The following KLF17 variants were observed in gnomAD, a reference collection of about 807,000 sequenced individuals.
KLF17 encodes KLF transcription factor 17.
KLF17 carries 31 observed loss-of-function variants against 34.2 expected under a neutral mutation model. That is an observed-to-expected ratio of 0.91 (90% CI 0.68 to 1.22). KLF17 has a LOEUF of 1.22. KLF17 is among the 50% of genes most tolerant of loss of function. KLF17 has a pLI of 0.00. For missense variants in KLF17, 478 were observed against 505.2 expected (o/e 0.95, Z 0.52); for synonymous variants, 179 against 186.7 (o/e 0.96, Z 0.34).
In KLF17 at chr1:44,118,898, C is replaced by A; in HGVS notation, c.-10C>A. Reference sequence around the variant, plus strand: ...TCTTCAGTAGAGAGTCTAGACCCCACCCAGTCTTCATGTACGGCCGACCGC... The same window carrying A: ...TCTTCAGTAGAGAGTCTAGACCCCAACCAGTCTTCATGTACGGCCGACCGC... On this transcript the variant is annotated 5_prime_UTR_variant, in exon 1 of 4. Coordinates refer to ENST00000372299, the MANE Select transcript of KLF17 (RefSeq NM_173484.4). 2.5e-6 allele frequency: 4 copies of A among 1,608,982 alleles called. No homozygotes were observed. The highest frequency in any genetic ancestry group is 3.4e-6 in the Non-Finnish European group (4 of 1,177,882).
chr1:44,050,514 A>G, the KLF17 span, among the ~76,000 whole-genome samples: 2 of 152,216 alleles, frequency 1.3e-5, 1 homozygote. Flanking sequence ...GGGCATAAAC[A>G]TGACTGCCGA....
At chr1:44,082,098 G>A in the KLF17 span, among the ~76,000 whole-genome samples, 1 of 152,140 alleles carries the variant, frequency 6.6e-6, no homozygotes, top group East Asian at 1.9e-4. Context: ...GCTTAGGGGA[G>A]AGACTAGAAG....
At chr1:44,094,384 T>C in the KLF17 span, among the ~76,000 whole-genome samples, 1 of 152,180 alleles carries the variant, frequency 6.6e-6, no homozygotes, top group African/African-American at 2.4e-5. Flanking sequence ...TTGGTTGCCT[T>C]GTGCTTTTGT....
upstream of KLF17, chr1:44,117,477 TTATTTTATTTTA>T (rs2087892671): frequency 1.3e-5 from 2 of 149,974 alleles, no homozygotes; most frequent in African/African-American, 4.9e-5. Context: ...TTATTTTATT[TTATTTTATTTTA>T]TATTTTATTT....
chr1:44,118,951 A>C lies in KLF17; in HGVS notation c.44A>C (p.Glu15Ala). The change falls in exon 1 of 4, where the codon GAG (glutamate) becomes GCG (alanine). Residue 15 changes from glutamate (E) to alanine (A), a missense_variant. By Grantham distance (107) the Glu-to-Ala change is moderately radical. Transcript: ENST00000372299. Reference sequence around the variant, plus strand: ...GCTGAGATGGAACAGGAGGCTGGGGAGCTGAGCCGGTGGCAGGCGGCGCAC... The same window carrying C: ...GCTGAGATGGAACAGGAGGCTGGGGCGCTGAGCCGGTGGCAGGCGGCGCAC... ...PQAEMEQEAG[E>A]LSRWQAAHQA... 6.2e-7 allele frequency: 1 copy of C among 1,611,780 alleles called. No homozygotes were observed. Among genetic ancestry groups the C allele is most frequent in the Non-Finnish European group, 8.5e-7 (1 of 1,179,174 alleles).
chr1:44,100,215 G>T, the KLF17 span, among the ~76,000 whole-genome samples: 1 of 148,370 alleles, frequency 6.7e-6, no homozygotes, highest in Non-Finnish European at 1.5e-5. Flanking sequence ...CCGAGATCAC[G>T]CCACTGAACT....
chr1:44,111,947 G>A, the KLF17 span, among the ~76,000 whole-genome samples: 1 of 152,072 alleles, frequency 6.6e-6, no homozygotes, highest in Non-Finnish European at 1.5e-5. Context: ...TATTAACTAA[G>A]CTATAGACTT....
At chr1:44,092,083 C>T in the KLF17 span, among the ~76,000 whole-genome samples, 4 of 150,658 alleles carry the variant, frequency 2.7e-5, no homozygotes, top group Non-Finnish European at 5.9e-5. Flanking sequence ...TGGCTCACAC[C>T]TATAATCCCA....
chr1:44,107,979 T>C, the KLF17 span, among the ~76,000 whole-genome samples: 11 of 152,182 alleles, frequency 7.2e-5, no homozygotes, highest in African/African-American at 2.7e-4. Context: ...GTATATTGAA[T>C]GACTAGAAGA....
the KLF17 span, among the ~76,000 whole-genome samples, chr1:44,050,368 A>G: frequency 6.6e-6 from 1 of 152,234 alleles, no homozygotes. Context: ...GACCAGTGCC[A>G]TGTCAGTTTA....
At chr1:44,049,848 T>C in the KLF17 span, among the ~76,000 whole-genome samples, 1 of 152,250 alleles carries the variant, frequency 6.6e-6, no homozygotes, top group Admixed American at 6.5e-5. Flanking sequence ...TTCATTTCCA[T>C]TGTGGTATAC....
chr1:44,133,076 C>T (rs746640053), intron 3 of KLF17, among the ~76,000 whole-genome samples, 162 bp from the exon 4 acceptor site: 2 of 152,106 alleles, frequency 1.3e-5, no homozygotes, highest in Non-Finnish European at 2.9e-5. Context: ...CTCAAGGGAC[C>T]GTCTTGATCT....
rs989892026 is a variant in KLF17, at chr1:44,133,393, G to A, written c.*156G>A. ...AGGCTGTGGAGACCCATGGTGAGGA[G>A]CATGGAGTTAACTAAAGGATGTGTC... On this transcript the variant is annotated 3_prime_UTR_variant, in exon 4 of 4. Coordinates refer to ENST00000372299, the MANE Select transcript of KLF17 (RefSeq NM_173484.4). 1 of 152,254 alleles carries A rather than the reference G, an allele frequency of 6.6e-6. No homozygotes were observed. Among genetic ancestry groups the A allele is most frequent in the African/African-American group, 2.4e-5 (1 of 41,442 alleles). The allele number at this position is 152,254 out of a possible 1,614,324, so 9.4% of individuals were successfully genotyped here.
chr1:44,108,379 ATTCTTTCAGT>A, the KLF17 span, among the ~76,000 whole-genome samples: 1 of 151,986 alleles, frequency 6.6e-6, no homozygotes, highest in Non-Finnish European at 1.5e-5. Context: ...TTTCCTTCTG[ATTCTTTCAGT>A]TTCTGGTTAT....
At chr1:44,100,079 T>TACACACACACACACACACAC in the KLF17 span, among the ~76,000 whole-genome samples, 10 of 138,636 alleles carry the variant, frequency 7.2e-5, no homozygotes, top group African/African-American at 2.2e-4. Flanking sequence ...CTACTAAAAA[T>TACACACACACACACACACAC]ACACACACAC....
chr1:44,127,458 G>A (rs892100083), intron 1 of KLF17, among the ~76,000 whole-genome samples: 2 of 151,874 alleles, frequency 1.3e-5, no homozygotes, highest in Non-Finnish European at 2.9e-5. Flanking sequence ...GACCTGTGAT[G>A]TTCCTATAAC....
chr1:44,127,639 C>CTTTTCTTTCTT lies in KLF17; in HGVS notation c.82-1712_82-1711insTTCTTTCTTTT, dbSNP rs1553171634. ...CTTTTCTTTTCTTTTCTTTTCTTTC[C>CTTTTCTTTCTT]TTCTTTCTTTCTTTCTTTCTTTCTT... On this transcript the variant is annotated intron_variant, in intron 1 of 3. Transcript: ENST00000372299. 1.1e-3 allele frequency among the ~76,000 whole-genome samples: 88 copies of CTTTTCTTTCTT among 77,428 alleles called. 2 individuals are homozygous for CTTTTCTTTCTT. Among genetic ancestry groups the CTTTTCTTTCTT allele is most frequent in the African/African-American group, 4.3e-3 (85 of 19,654 alleles). The allele number at this position is 77,428 out of a possible 152,430, so 50.8% of individuals were successfully genotyped here.
chr1:44,055,441 CG>C, the KLF17 span, among the ~76,000 whole-genome samples: 1 of 152,220 alleles, frequency 6.6e-6, no homozygotes. Flanking sequence ...CATTTTCCCA[CG>C]GGTTTTTACT....
the KLF17 span, among the ~76,000 whole-genome samples, chr1:44,090,938 A>G: frequency 6.4e-5 from 9 of 140,624 alleles, no homozygotes; most frequent in Non-Finnish European, 4.7e-5. Context: ...GCACACGCAC[A>G]CACACACACA....
Sources: allele counts gnomAD v4.1 joint callset (sites outside exome capture counted in the v4.1 genomes callset), GRCh38; gene constraint gnomAD v4.1.1; transcripts MANE v1.5; gene names NCBI Gene and HGNC (gene_info 2026-07-23, HGNC 2026-07-21).